Variants in YEATS2 observed in about 807,000 individuals in gnomAD.
YEATS2 encodes the protein YEATS domain-containing protein 2.
In YEATS2, 77 loss-of-function variants were observed where a neutral mutation model predicts 163.2. The observed-to-expected ratio is 0.47, with a 90% confidence interval of 0.39 to 0.57. YEATS2 has a LOEUF of 0.57. Ranked by LOEUF, YEATS2 falls within the 20% of genes least tolerant of loss-of-function variation. The probability of loss-of-function intolerance (pLI) is 0.00; values close to 1 mark genes in which losing one functional copy is unlikely to be tolerated. For synonymous variants in YEATS2, 631 were observed against 645.1 expected (o/e 0.98, Z 0.33); for missense variants, 1,549 against 1,729.8 (o/e 0.90, Z 1.85).
At chr3:183,731,160 G>A (rs147485216) in intron 7 of YEATS2, among the ~76,000 whole-genome samples, 5,457 of 152,078 alleles carry the variant, frequency 0.036, 332 homozygotes, top group African/African-American at 0.12. Context: ...TTAGCTGGGT[G>A]TGGTGGCTCG....
At chr3:183,777,919 A>C (rs1374438082) in intron 19 of YEATS2, among the ~76,000 whole-genome samples, 2 of 152,162 alleles carry the variant, frequency 1.3e-5, no homozygotes, top group East Asian at 3.9e-4. Flanking sequence ...CCTGGCCAAC[A>C]TGGCCAACAT....
intron 6 of YEATS2, 69 bp from the exon 7 acceptor site, chr3:183,728,621 G>A (rs1717378549): frequency 7.2e-7 from 1 of 1,380,760 alleles, no homozygotes; most frequent in South Asian, 1.8e-5. Context: ...AGTTTAAGTA[G>A]GACTTAATTA....
At chr3:183,749,833 T>A (rs763611223) in intron 9 of YEATS2, among the ~76,000 whole-genome samples, 14 of 152,058 alleles carry the variant, frequency 9.2e-5, no homozygotes, top group Non-Finnish European at 1.9e-4. Context: ...TTATTTATTT[T>A]TTGAGATGGA....
At chr3:183,763,484 G>A (rs1390445888) in intron 15 of YEATS2, among the ~76,000 whole-genome samples, 1 of 152,168 alleles carries the variant, frequency 6.6e-6, no homozygotes, top group Non-Finnish European at 1.5e-5. Flanking sequence ...GTGCTTTTGT[G>A]TATGCCATGC....
chr3:183,736,787 G>A lies in YEATS2; in HGVS notation c.882G>A (p.Lys294=), dbSNP rs781222641. The part of the protein sequence containing the change: ...EFPVRVQVHF[K]DSQNKRIDII... ...CCGTCAGAGTTCAAGTTCATTTTAAGGACAGCCAGAACAAGCGGATAGATA... is the reference window on the plus strand; with the variant it reads ...CCGTCAGAGTTCAAGTTCATTTTAAAGACAGCCAGAACAAGCGGATAGATA... Residue 294 remains lysine, a synonymous_variant, in exon 8 of 31, where the codon AAG becomes AAA. Transcript: ENST00000305135. 1.2e-6 allele frequency: 2 copies of A among 1,613,916 alleles called. No individual in the cohort carries two copies. Among genetic ancestry groups the A allele is most frequent in the Admixed American group, 3.3e-5 (2 of 59,984 alleles).
chr3:183,735,317 C>T (rs1718224392), intron 7 of YEATS2, among the ~76,000 whole-genome samples: 1 of 152,200 alleles, frequency 6.6e-6, no homozygotes, highest in Admixed American at 6.5e-5. Context: ...TGCCTCTAGG[C>T]TCCACTGTAT....
chr3:183,759,490 C>G (rs929056558), intron 13 of YEATS2, among the ~76,000 whole-genome samples: 28 of 152,198 alleles, frequency 1.8e-4, no homozygotes, highest in African/African-American at 6.5e-4. Context: ...ACACCTCTCT[C>G]TCTCGCAACA....
rs1474455990 is a variant in YEATS2 at position 183,776,506 on chromosome 3, T to A, written c.2577+383T>A. On this transcript the variant is annotated intron_variant, in intron 18 of 30. Transcript: ENST00000305135. ...CTGCAGTGAGCTGAGGTCGCACCAC[T>A]GCACTCCACCCTGGCTGGGTGACAG... Among the ~76,000 whole-genome samples, 4 of 152,208 alleles carry A rather than the reference T, an allele frequency of 2.6e-5. No individual in the cohort carries two copies. In the East Asian group the frequency reaches 7.8e-4, roughly 29 times the overall value.
intron 4 of YEATS2, among the ~76,000 whole-genome samples, chr3:183,719,737 A>G (rs1017671720): frequency 6.6e-6 from 1 of 152,072 alleles, no homozygotes; most frequent in Non-Finnish European, 1.5e-5. Flanking sequence ...ATTCACAAGC[A>G]CGATCATAGC....
chr3:183,755,324 C>T (rs564123525), intron 11 of YEATS2, among the ~76,000 whole-genome samples: 19 of 152,166 alleles, frequency 1.2e-4, no homozygotes, highest in Middle Eastern at 3.4e-3. Context: ...ACCATATTGG[C>T]CAGGCTGGTC....
At chr3:183,725,041 C>CTTTTTTTTTTTTTTTTTTTTTTT (rs62826962) in intron 6 of YEATS2, among the ~76,000 whole-genome samples, 31 of 87,514 alleles carry the variant, frequency 3.5e-4, no homozygotes, top group Non-Finnish European at 4.8e-4. Context: ...CCGTGCCGGC[C>CTTTTTTTTTTTTTTTTTTTTTTT]TTTTTTTTTT....
At chr3:183,722,179 G>T in intron 5 of YEATS2, 43 bp downstream of exon 5, 2 of 1,551,792 alleles carry the variant, frequency 1.3e-6, no homozygotes, top group Non-Finnish European at 1.7e-6. Context: ...CAGGAGAAGG[G>T]AACTATATTT....
chr3:183,742,564 T>A (rs758960129), intron 8 of YEATS2, among the ~76,000 whole-genome samples: 2 of 152,230 alleles, frequency 1.3e-5, no homozygotes, highest in Non-Finnish European at 2.9e-5. Context: ...CCTTAATGCA[T>A]GAGGATTTGC....
In YEATS2 at chr3:183,777,511, G is replaced by T. The variant is rs777359433; in HGVS notation, c.2578-31G>T. 20 of 1,608,434 alleles carry T rather than the reference G, an allele frequency of 1.2e-5. 1 individual carries two copies. The South Asian group carries it at 2.2e-4, about 18-fold the overall frequency. ...GCCCATCTGAATTTAACAAATTACC[G>T]ATTAGTTCTTTATATTTTTTTCTAA... On this transcript the variant is annotated intron_variant, in intron 18 of 30. Transcript: ENST00000305135.
At chr3:183,797,609 C>T (rs930413541) in intron 21 of YEATS2, among the ~76,000 whole-genome samples, 3 of 151,822 alleles carry the variant, frequency 2.0e-5, no homozygotes, top group African/African-American at 4.8e-5. Context: ...GTCTGTAATC[C>T]CAGCACTTTG....
chr3:183,744,530 A>G (rs1442742188), intron 8 of YEATS2, among the ~76,000 whole-genome samples: 1 of 152,176 alleles, frequency 6.6e-6, no homozygotes, highest in Non-Finnish European at 1.5e-5. Context: ...TTCACATCTT[A>G]CATTGTACAT....
chr3:183,715,524 A>G (rs1715759231), intron 2 of YEATS2, among the ~76,000 whole-genome samples: 1 of 152,224 alleles, frequency 6.6e-6, no homozygotes, highest in South Asian at 2.1e-4. Context: ...TGTTAGGTGT[A>G]ATCATAAAGT....
At chr3:183,721,811 AG>A in intron 4 of YEATS2, 79 bp from the exon 5 acceptor site, 1 of 1,534,200 alleles carries the variant, frequency 6.5e-7, no homozygotes, top group Non-Finnish European at 8.8e-7. Context: ...GTAATAGATA[AG>A]GTTTTGGAGA....
At position 183,718,384 on chromosome 3, in the gene YEATS2, T is replaced by C. The variant is rs186120748; in HGVS notation, c.199-116T>C. 2.5e-3 allele frequency: 1,808 copies of C among 719,192 alleles called. 6 individuals are homozygous for C. Among genetic ancestry groups the C allele is most frequent in the Non-Finnish European group, 2.8e-3 (1,290 of 457,198 alleles). 44.6% of individuals were successfully genotyped at this position (719,192 alleles called of 1,614,324 possible). A position where few individuals can be genotyped will look rare whatever the true frequency, so the allele number is the denominator to read the frequency against. On this transcript the variant is annotated intron_variant, in intron 3 of 30. Transcript: ENST00000305135. Reference sequence around the variant, plus strand: ...CTTTTATTTGTTTTTCTTTTGATTGTTAGAGAAGTTGAGCTTTTTTTTTTC... The same window carrying C: ...CTTTTATTTGTTTTTCTTTTGATTGCTAGAGAAGTTGAGCTTTTTTTTTTC...
Sources: allele counts gnomAD v4.1 joint callset (sites outside exome capture counted in the v4.1 genomes callset), GRCh38; gene constraint gnomAD v4.1.1; transcripts MANE v1.5; gene names NCBI Gene and HGNC (gene_info 2026-07-23, HGNC 2026-07-21).